LONRF3: variants seen among roughly 807,000 people sequenced by gnomAD.
The protein encoded by LONRF3 is LON peptidase N-terminal domain and RING finger protein 3.
In LONRF3, 19 loss-of-function variants were observed where a neutral mutation model predicts 51.7. The observed-to-expected ratio is 0.37, with a 90% CI of 0.26 to 0.54. LONRF3 has a LOEUF of 0.54. LONRF3 is among the 20% of genes least tolerant of loss of function. The pLI is 0.86. For synonymous variants in LONRF3, 265 were observed against 257.8 expected, an observed-to-expected ratio of 1.03 and a Z score of -0.27; for missense variants, 521 against 623.9, an observed-to-expected ratio of 0.84 and a Z score of 1.76.
In LONRF3 at chrX:119,018,007, C is replaced by T. The variant is rs1925571702; in HGVS notation, c.*317C>T. On this transcript the variant is annotated 3_prime_UTR_variant, in exon 11 of 11. Transcript: ENST00000371628. ...TTTAAAGTGGTTTTGCTTTAATATT[C>T]TTTCTTTCATAGATCAATGACTGTG... 6.5e-6 allele frequency: 1 copy of T among 153,885 alleles called. No homozygotes were observed. The highest frequency in any genetic ancestry group is 3.1e-5 in the African/African-American group (1 of 32,592). The allele number at this position is 153,885 out of a possible 1,213,427, so 12.7% of individuals were successfully genotyped here.
chrX:118,975,275 A>G lies in LONRF3; in HGVS notation c.495A>G (p.Leu165=), dbSNP rs777268667. 5.0e-6 allele frequency: 6 copies of G among 1,209,837 alleles called. No individual in the cohort carries two copies. Among genetic ancestry groups the G allele is most frequent in the Non-Finnish European group, 6.7e-6 (6 of 895,006 alleles). Residue 165 remains leucine, a synonymous_variant, in exon 1 of 11, where the codon CTA becomes CTG. Transcript: ENST00000371628. ...AGTGCCGGAAATGTCATGGGTTTCT[A>G]TCAGACCCCGTGTCCTTGTCGTGTG... ...GFKCRKCHGF[L]SDPVSLSCGH...
chrX:118,975,934 C>A (rs1253225481), intron 1 of LONRF3, among the ~76,000 whole-genome samples: 1 of 111,987 alleles, frequency 8.9e-6, no homozygotes, highest in East Asian at 2.8e-4. Flanking sequence ...CTCTTCGTAT[C>A]TTTGTCACTG....
chrX:119,007,512 A>G (rs895041610), intron 6 of LONRF3, among the ~76,000 whole-genome samples: 6 of 112,418 alleles, frequency 5.3e-5, no homozygotes, highest in African/African-American at 1.6e-4. Context: ...CTGAGAATCT[A>G]TCTTGTTTTC....
At chrX:118,990,993 G>A (rs1923386441) in intron 5 of LONRF3, among the ~76,000 whole-genome samples, 1 of 111,350 alleles carries the variant, frequency 9.0e-6, no homozygotes, top group South Asian at 3.8e-4. Context: ...AAGTAGCTGG[G>A]ATTACAGGCC....
At chrX:118,999,847 T>C (rs1924145127) in intron 5 of LONRF3, among the ~76,000 whole-genome samples, 1 of 112,120 alleles carries the variant, frequency 8.9e-6, no homozygotes, top group Non-Finnish European at 1.9e-5. Flanking sequence ...GGAGTAGCCA[T>C]TGCATACACT....
chrX:118,992,259 C>A (rs1003885514), intron 5 of LONRF3, among the ~76,000 whole-genome samples: 4 of 111,259 alleles, frequency 3.6e-5, no homozygotes, highest in Admixed American at 2.9e-4. Flanking sequence ...CTCTGGGAGG[C>A]AAATAGCCTC....
intron 3 of LONRF3, among the ~76,000 whole-genome samples, chrX:118,985,729 C>T (rs1364464364): frequency 9.0e-6 from 1 of 111,495 alleles, no homozygotes; most frequent in African/African-American, 3.3e-5. Context: ...CTGTGTAGAA[C>T]AGGACTGGAA....
At chrX:119,008,613 G>A (rs972523978) in intron 6 of LONRF3, among the ~76,000 whole-genome samples, 3 of 111,896 alleles carry the variant, frequency 2.7e-5, no homozygotes, top group African/African-American at 9.7e-5. Context: ...GGTATATTTG[G>A]CAATATCCAG....
chrX:119,008,912 A>G (rs759832006), intron 6 of LONRF3, among the ~76,000 whole-genome samples: 1 of 112,094 alleles, frequency 8.9e-6, no homozygotes, highest in Non-Finnish European at 1.9e-5. Context: ...ATTTTTTTCT[A>G]ATTATAAAGA....
chrX:118,975,725 T>A, intron 1 of LONRF3, 128 bp downstream of exon 1: 1 of 40,061 alleles, frequency 2.5e-5, no homozygotes, highest in Non-Finnish European at 4.8e-5. Context: ...CCATGGACTG[T>A]GGCGGGGTGG....
Position 118,978,482 on chromosome X carries a change from A to G in LONRF3, c.936+19A>G. On this transcript the variant is annotated intron_variant, in intron 2 of 10. Coordinates refer to ENST00000371628, the MANE Select transcript of LONRF3 (RefSeq NM_001031855.3). Reference sequence around the variant, plus strand: ...TTTTAAGGTGAGTGTGGGATGGAAGAGGTGGGAAGGGGTTGTACTGTAGAC... The same window carrying G: ...TTTTAAGGTGAGTGTGGGATGGAAGGGGTGGGAAGGGGTTGTACTGTAGAC... 1 of 1,084,597 alleles carries G rather than the reference A, an allele frequency of 9.2e-7. No homozygotes were observed. The highest frequency in any genetic ancestry group is 3.2e-4 in the Middle Eastern group (1 of 3,145). The allele number at this position is 1,084,597 out of a possible 1,213,427, so 89.4% of individuals were successfully genotyped here.
intron 5 of LONRF3, 34 bp from the exon 6 acceptor site, chrX:119,006,087 G>A: frequency 1.1e-6 from 1 of 881,008 alleles, no homozygotes; most frequent in Non-Finnish European, 1.6e-6. Flanking sequence ...TGGTCTTATT[G>A]CAGTTTTCTT....
intron 3 of LONRF3, among the ~76,000 whole-genome samples, chrX:118,986,562 A>T (rs1922982427): frequency 8.9e-6 from 1 of 112,222 alleles, no homozygotes; most frequent in African/African-American, 3.2e-5. Flanking sequence ...GATGAGTTTT[A>T]AAATCCCACT....
intron 2 of LONRF3, among the ~76,000 whole-genome samples, chrX:118,980,288 G>C (rs1216311605): frequency 1.8e-5 from 2 of 112,279 alleles, no homozygotes; most frequent in African/African-American, 6.5e-5. Context: ...TTAGGTCTCA[G>C]TGAGCTCTGG....
At chrX:118,997,574 C>T (rs950118671) in intron 5 of LONRF3, among the ~76,000 whole-genome samples, 2 of 111,928 alleles carry the variant, frequency 1.8e-5, no homozygotes, top group East Asian at 2.8e-4. Context: ...ATTTCATGAC[C>T]GAGAACCGAA....
At chrX:119,014,459 C>G in intron 10 of LONRF3, 103 bp downstream of exon 10, 1 of 768,365 alleles carries the variant, frequency 1.3e-6, no homozygotes, top group Non-Finnish European at 1.9e-6. Context: ...ACATCGAATG[C>G]AGAGAGGAAG....
chrX:118,986,567 C>T (rs988898644), intron 3 of LONRF3, among the ~76,000 whole-genome samples: 21 of 112,262 alleles, frequency 1.9e-4, no homozygotes, highest in African/African-American at 6.8e-4. Flanking sequence ...GTTTTAAAAT[C>T]CCACTGCAGA....
chrX:119,003,913 G>A (rs1470281065), intron 5 of LONRF3, among the ~76,000 whole-genome samples: 1 of 111,978 alleles, frequency 8.9e-6, no homozygotes, highest in African/African-American at 3.2e-5. Flanking sequence ...AGTTGCAAAT[G>A]TTATCTTTAA....
chrX:119,004,559 T>A (rs1924573228), intron 5 of LONRF3, among the ~76,000 whole-genome samples: 2 of 112,421 alleles, frequency 1.8e-5, no homozygotes, highest in South Asian at 3.7e-4. Flanking sequence ...TTAAAAAAAA[T>A]TTCTGATGCC....
Sources: gnomAD v4.1 joint callset for allele counts (sites outside exome capture counted in the v4.1 genomes callset) on GRCh38, gnomAD v4.1.1 for gene constraint, MANE v1.5 for transcripts, NCBI Gene and HGNC (gene_info 2026-07-23, HGNC 2026-07-21) for gene names.